Variants in POC1B observed in about 807,000 individuals in gnomAD.
POC1B encodes the protein POC1 centriolar protein homolog B.
POC1B carries 44 observed loss-of-function variants against 60.6 expected under a neutral mutation model. The ratio of observed to expected loss-of-function variants is 0.73; its 90% CI spans 0.57 to 0.93. The LOEUF (loss-of-function observed/expected upper bound fraction) is 0.93, where lower values mean the gene tolerates loss of function less well. POC1B is among the 40% of genes least tolerant of loss of function. POC1B has a pLI of 0.00. For missense variants in POC1B, 555 were observed against 572.3 expected, an observed-to-expected ratio of 0.97 and a Z score of 0.31; for synonymous variants, 180 against 198.9, an observed-to-expected ratio of 0.90 and a Z score of 0.80.
At chr12:89,471,103 T>G (rs1484022138) in intron 6 of POC1B, among the ~76,000 whole-genome samples, 1 of 152,240 alleles carries the variant, frequency 6.6e-6, no homozygotes, top group Non-Finnish European at 1.5e-5. Flanking sequence ...CCTAGGAATA[T>G]TGTTTAGATT....
At chr12:89,471,828 C>T (rs958692501) in intron 5 of POC1B, 99 bp from the exon 6 acceptor site, 42 of 725,098 alleles carry the variant, frequency 5.8e-5, no homozygotes, top group Middle Eastern at 4.1e-4. Flanking sequence ...AGTGCAGTGG[C>T]GCAATGTCAG....
chr12:89,403,854 C>T, the POC1B span, among the ~76,000 whole-genome samples: 11 of 152,138 alleles, frequency 7.2e-5, no homozygotes, highest in African/African-American at 1.2e-4. Context: ...AAATGTTGGC[C>T]GGGCGCAGTG....
intron 3 of POC1B, 109 bp downstream of exon 3, chr12:89,497,062 G>A: frequency 8.8e-7 from 1 of 1,137,020 alleles, no homozygotes; most frequent in East Asian, 2.4e-5. Context: ...TGCCTTTTAT[G>A]TGACTGAGAA....
chr12:89,467,569 A>G (rs1335460912), intron 8 of POC1B, 48 bp downstream of exon 8: 1 of 1,480,982 alleles, frequency 6.8e-7, no homozygotes, highest in South Asian at 1.2e-5. Flanking sequence ...GAGGTCAAGG[A>G]TTCCTTTACC....
chr12:89,480,121 G>T (rs1883263170), intron 4 of POC1B, among the ~76,000 whole-genome samples: 1 of 149,690 alleles, frequency 6.7e-6, no homozygotes, highest in Non-Finnish European at 1.5e-5. Flanking sequence ...TTGAAAACTG[G>T]TTGGACAAGT....
At chr12:89,435,032 T>A (rs1235073840) in intron 10 of POC1B, among the ~76,000 whole-genome samples, 2 of 152,182 alleles carry the variant, frequency 1.3e-5, no homozygotes, top group Non-Finnish European at 2.9e-5. Context: ...GAAAAATGAT[T>A]TCCTAACAAT....
chr12:89,500,142 T>G (rs1228398169), intron 2 of POC1B: 8 of 1,557,640 alleles, frequency 5.1e-6, no homozygotes, highest in Middle Eastern at 1.8e-4. Flanking sequence ...AGAAGAAGAT[T>G]TTGTCAACCT....
downstream of POC1B, among the ~76,000 whole-genome samples, chr12:89,417,490 C>G (rs1880382689): frequency 1.3e-5 from 2 of 152,248 alleles, no homozygotes; most frequent in African/African-American, 2.4e-5. Context: ...TCGTGAGTCA[C>G]TGTTGCTCAA....
rs79399560 is a variant in POC1B, at chr12:89,481,158, G to C, written c.453-8883C>G. Among the ~76,000 whole-genome samples the C allele has an allele frequency of 9.2e-5, 14 of 152,332 alleles. No individual in the cohort carries two copies. The East Asian group carries it at 1.7e-3, about 19-fold the overall frequency. ...CAAAGTGCTGGGATTACAGGTGTGAGCCACCTGGCTCTAATTGTTTTCTTG... is the reference window on the plus strand; with the variant it reads ...CAAAGTGCTGGGATTACAGGTGTGACCCACCTGGCTCTAATTGTTTTCTTG... On this transcript the variant is annotated intron_variant, in intron 4 of 11. Coordinates refer to ENST00000313546, the MANE Select transcript of POC1B (RefSeq NM_172240.3).
chr12:89,462,094 T>G (rs1882505298), intron 9 of POC1B, among the ~76,000 whole-genome samples: 1 of 152,020 alleles, frequency 6.6e-6, no homozygotes, highest in South Asian at 2.1e-4. Context: ...GACCTACAAG[T>G]TGGGAAACAA....
chr12:89,433,578 T>C (rs1181529921), intron 10 of POC1B, among the ~76,000 whole-genome samples: 1 of 152,090 alleles, frequency 6.6e-6, no homozygotes. Flanking sequence ...AGAATGTAAG[T>C]TGGGTAAAGG....
chr12:89,486,877 ACTCT>A (rs899483711), intron 4 of POC1B, among the ~76,000 whole-genome samples: 20 of 151,186 alleles, frequency 1.3e-4, no homozygotes, highest in Admixed American at 5.9e-4. Flanking sequence ...ATTTTTAAAA[ACTCT>A]CTCTTTCTCT....
chr12:89,442,401 G>C (rs191779814), intron 10 of POC1B, among the ~76,000 whole-genome samples: 1 of 152,212 alleles, frequency 6.6e-6, no homozygotes, highest in African/African-American at 2.4e-5. Context: ...ACGAACAGCA[G>C]ATGTCTCGGC....
At chr12:89,515,021 T>G (rs1870381391) in intron 2 of POC1B, among the ~76,000 whole-genome samples, 1 of 152,124 alleles carries the variant, frequency 6.6e-6, no homozygotes, top group Non-Finnish European at 1.5e-5. Flanking sequence ...CTTAAGTACT[T>G]AAATCTTGAC....
intron 3 of POC1B, 136 bp from the exon 4 acceptor site, chr12:89,492,251 G>A: frequency 1.5e-6 from 1 of 684,302 alleles, no homozygotes; most frequent in Non-Finnish European, 2.2e-6. Flanking sequence ...ACAAAAGTAT[G>A]AAAGGGCTAT....
chr12:89,497,407 C>A, intron 2 of POC1B, 65 bp from the exon 3 acceptor site: 2 of 1,474,810 alleles, frequency 1.4e-6, no homozygotes, highest in Admixed American at 1.8e-5. Context: ...TGTCTCATTA[C>A]AATGAGCAGC....
chr12:89,521,838 T>C, intron 2 of POC1B: 1 of 397,370 alleles, frequency 2.5e-6, no homozygotes, highest in Non-Finnish European at 4.4e-6. Context: ...AATTTCCTGA[T>C]CAGCAGAACT....
chr12:89,441,160 C>A (rs1881497555), intron 10 of POC1B, among the ~76,000 whole-genome samples: 1 of 152,212 alleles, frequency 6.6e-6, no homozygotes, highest in Admixed American at 6.5e-5. Flanking sequence ...AGGAGGCCTG[C>A]CCACCTCTGT....
At chr12:89,410,422 G>C in the POC1B span, among the ~76,000 whole-genome samples, 1 of 152,178 alleles carries the variant, frequency 6.6e-6, no homozygotes, top group South Asian at 2.1e-4. Context: ...GCTCACACCT[G>C]TAATCCCAGC....
Sources: allele counts gnomAD v4.1 joint callset (sites outside exome capture counted in the v4.1 genomes callset), GRCh38; gene constraint gnomAD v4.1.1; transcripts MANE v1.5; gene names NCBI Gene and HGNC (gene_info 2026-07-23, HGNC 2026-07-21).